The following DARS2 variants were observed in gnomAD, a reference collection of about 807,000 sequenced individuals.
DARS2 encodes aspartate--tRNA ligase, mitochondrial.
In DARS2, 63 loss-of-function variants were observed where a neutral mutation model predicts 83.0. The observed-to-expected ratio is 0.76, with a 90% CI of 0.62 to 0.94. The LOEUF is 0.94. DARS2 is among the 40% of genes least tolerant of loss of function. The probability of loss-of-function intolerance (pLI) is 0.00; values close to 1 mark genes in which losing one functional copy is unlikely to be tolerated. For synonymous variants in DARS2, 250 were observed against 269.3 expected, an observed-to-expected ratio of 0.93 and a Z score of 0.70; for missense variants, 675 against 774.4, an observed-to-expected ratio of 0.87 and a Z score of 1.52.
At chr1:173,832,658 G>T (rs12121028) in intron 5 of DARS2, among the ~76,000 whole-genome samples, 1 of 151,446 alleles carries the variant, frequency 6.6e-6, no homozygotes, top group Non-Finnish European at 1.5e-5. Flanking sequence ...AGTCCCAGCC[G>T]CTCGGGAGGC....
chr1:173,842,366 T>G (rs1394476352), intron 11 of DARS2, among the ~76,000 whole-genome samples: 1 of 136,752 alleles, frequency 7.3e-6, no homozygotes, highest in East Asian at 2.3e-4. Flanking sequence ...TGGCGCGATC[T>G]TGGCTTACTG....
chr1:173,854,374 A>T (rs1653785526), intron 15 of DARS2, among the ~76,000 whole-genome samples: 1 of 152,218 alleles, frequency 6.6e-6, no homozygotes, highest in Non-Finnish European at 1.5e-5. Flanking sequence ...TAGGACTTGG[A>T]AAAGTAAATA....
intron 2 of DARS2, among the ~76,000 whole-genome samples, chr1:173,828,072 C>T (rs1571976829): frequency 6.6e-6 from 1 of 151,788 alleles, no homozygotes; most frequent in Non-Finnish European, 1.5e-5. Context: ...GATTAATATA[C>T]CAGGTAAGTA....
At position 173,858,377 on chromosome 1, in the gene DARS2, T is replaced by A. The variant is rs895798339; in HGVS notation, c.*672T>A. ...CTGTTATTGCTGGAATCAGAGGAGA[T>A]AACATATATGGAAGATAAAGTGAAT... is the stretch of plus-strand genomic sequence containing the variant. On this transcript the variant is annotated 3_prime_UTR_variant, in exon 17 of 17. Coordinates refer to ENST00000649689, the MANE Select transcript of DARS2 (RefSeq NM_018122.5). 1 of 153,116 alleles carries A rather than the reference T, an allele frequency of 6.5e-6. No homozygotes were observed. Among genetic ancestry groups the A allele is most frequent in the African/African-American group, 2.4e-5 (1 of 41,400 alleles). The allele number at this position is 153,116 out of a possible 1,614,324, so 9.5% of individuals were successfully genotyped here.
At chr1:173,834,739 T>TG (rs1340851865) in intron 7 of DARS2, among the ~76,000 whole-genome samples, 5 of 131,272 alleles carry the variant, frequency 3.8e-5, no homozygotes, top group South Asian at 4.5e-4. Flanking sequence ...TTTGTTTTTT[T>TG]TTTTTTTTTT....
At position 173,828,312 on chromosome 1, in the gene DARS2, TTCCC is replaced by T; in HGVS notation, c.228-20_228-17del. 27 of 1,551,084 alleles carry T rather than the reference TTCCC, an allele frequency of 1.7e-5. No individual in the cohort carries two copies. Among genetic ancestry groups the T allele is most frequent in the South Asian group, 2.3e-5 (2 of 86,642 alleles). On this transcript the variant is annotated splice_polypyrimidine_tract_variant and intron_variant, in intron 2 of 16. Transcript: ENST00000649689. The stretch of plus-strand genomic sequence containing the variant: ...GAGATTTTATCTTAAAATGTTTCTT[TTCCC>T]CCCCCCCATTAATCAGGCAAAACAC...
At chr1:173,838,614 A>G (rs1653093437) in intron 9 of DARS2, among the ~76,000 whole-genome samples, 1 of 152,032 alleles carries the variant, frequency 6.6e-6, no homozygotes, top group Non-Finnish European at 1.5e-5. Flanking sequence ...AGTCCTTAAA[A>G]CAAATCTCTT....
chr1:173,857,488 T>G (rs1324313184), intron 16 of DARS2, 30 bp from the exon 17 acceptor site: 1 of 1,591,768 alleles, frequency 6.3e-7, no homozygotes, highest in African/African-American at 1.3e-5. Flanking sequence ...ATTACATTTC[T>G]CATCTGTTAT....
At chr1:173,835,514 G>C (rs1414576854) in intron 7 of DARS2, among the ~76,000 whole-genome samples, 1 of 151,312 alleles carries the variant, frequency 6.6e-6, no homozygotes, top group East Asian at 2.0e-4. Flanking sequence ...AGACCAGCTT[G>C]GGCAACAAGA....
At chr1:173,848,148 C>T (rs1438562405) in intron 12 of DARS2, among the ~76,000 whole-genome samples, 6 of 152,114 alleles carry the variant, frequency 3.9e-5, no homozygotes, top group East Asian at 1.9e-4. Context: ...CCACCGTGCC[C>T]GGCCCTTTTC....
At chr1:173,847,780 G>A (rs1653490594) in intron 12 of DARS2, among the ~76,000 whole-genome samples, 1 of 149,488 alleles carries the variant, frequency 6.7e-6, no homozygotes, top group Admixed American at 6.7e-5. Flanking sequence ...CATGAGAGAT[G>A]AGGCTCACAT....
chr1:173,831,237 G>T (rs959593204), intron 4 of DARS2, among the ~76,000 whole-genome samples: 8 of 147,994 alleles, frequency 5.4e-5, no homozygotes, highest in African/African-American at 1.0e-4. Context: ...TTTTCAGGAC[G>T]GGTCTTGCAG....
At position 173,850,496 on chromosome 1, in the gene DARS2, C is replaced by T; in HGVS notation, c.1344+17C>T. On this transcript the variant is annotated intron_variant, in intron 13 of 16. Coordinates refer to ENST00000649689, the MANE Select transcript of DARS2 (RefSeq NM_018122.5). ...AATAAAGCAGTAAGAAAAATTACTT[C>T]CAAGCATCAGTGCTGTTGATGCTGA... 6.2e-7 allele frequency: 1 copy of T among 1,612,324 alleles called. No individual in the cohort carries two copies. The highest frequency in any genetic ancestry group is 8.5e-7 in the Non-Finnish European group (1 of 1,179,056).
chr1:173,827,516 A>G lies in DARS2; in HGVS notation c.227+730A>G, dbSNP rs567190967. On this transcript the variant is annotated intron_variant, in intron 2 of 16. Transcript: ENST00000649689. ...CGGGGTGATGCTCGTCTGTAATTCTAGCTACTCAGGAGGCTGAGGAAGGAG... is the reference window on the plus strand; with the variant it reads ...CGGGGTGATGCTCGTCTGTAATTCTGGCTACTCAGGAGGCTGAGGAAGGAG... Among the ~76,000 whole-genome samples the G allele has an allele frequency of 3.3e-5, 5 of 152,246 alleles. No homozygotes were observed. In the South Asian group the frequency reaches 8.3e-4, roughly 25 times the overall value.
At chr1:173,828,837 T>G (rs1652688681) in intron 3 of DARS2, among the ~76,000 whole-genome samples, 1 of 152,194 alleles carries the variant, frequency 6.6e-6, no homozygotes, top group African/African-American at 2.4e-5. Context: ...ATATATCCTT[T>G]GAGCCATTAA....
chr1:173,836,876 A>G, intron 7 of DARS2, 64 bp from the exon 8 acceptor site: 1 of 1,341,364 alleles, frequency 7.5e-7, no homozygotes, highest in South Asian at 1.2e-5. Flanking sequence ...CTAGTTAGTT[A>G]TACTTTGGGT....
chr1:173,836,550 A>G (rs1218199373), intron 7 of DARS2, among the ~76,000 whole-genome samples: 1 of 152,168 alleles, frequency 6.6e-6, no homozygotes, highest in African/African-American at 2.4e-5. Context: ...TCTCAAAAAA[A>G]AAAAAAAGAC....
intron 11 of DARS2, among the ~76,000 whole-genome samples, chr1:173,841,905 G>A (rs1653226911): frequency 6.6e-6 from 1 of 152,008 alleles, no homozygotes; most frequent in African/African-American, 2.4e-5. Flanking sequence ...AGCCTCAGTT[G>A]TCTGTCTATC....
intron 11 of DARS2, among the ~76,000 whole-genome samples, chr1:173,841,645 C>T (rs963754248): frequency 6.6e-6 from 1 of 151,346 alleles, no homozygotes; most frequent in African/African-American, 2.4e-5. Context: ...CTCATCTCTA[C>T]AAAAATTACC....
Sources: gnomAD v4.1 joint callset for allele counts (sites outside exome capture counted in the v4.1 genomes callset) on GRCh38, gnomAD v4.1.1 for gene constraint, MANE v1.5 for transcripts, NCBI Gene and HGNC (gene_info 2026-07-23, HGNC 2026-07-21) for gene names.